The following JRKL variants were observed in gnomAD, a reference collection of about 807,000 sequenced individuals.
JRKL encodes the protein jerky protein homolog-like.
Under a neutral mutation model 34.7 loss-of-function variants are expected in JRKL, and 25 were observed. The ratio of observed to expected loss-of-function variants is 0.72; its 90% confidence interval spans 0.53 to 1.01. The LOEUF is 1.01. Among genes scored for constraint, JRKL ranks in the 50% least tolerant of loss-of-function variants. JRKL has a pLI of 0.00. For synonymous variants in JRKL, 204 were observed against 212.8 expected, an observed-to-expected ratio of 0.96 and a Z score of 0.36; for missense variants, 495 against 615.7, an observed-to-expected ratio of 0.80 and a Z score of 2.07.
chr11:96,391,242 C>G lies in JRKL; in HGVS notation c.593C>G (p.Thr198Ser). ...SRISVIKGKC[T>S]VPGHKSIEER... ...ATTTCAGTAATCAAAGGTAAATGCA[C>G]TGTCCCTGGGCACAAATCAATTGAA... The change falls in exon 2 of 2, where the codon ACT becomes AGT. Residue 198 changes from threonine (T) to serine (S), a missense_variant. Physicochemically the swap from Thr to Ser is moderately conservative, Grantham distance 58. Transcript: ENST00000332349. The G allele has an allele frequency of 3.9e-6, 6 of 1,551,978 alleles. No homozygotes were observed. The highest frequency in any genetic ancestry group is 5.2e-6 in the Non-Finnish European group (6 of 1,147,084).
Position 96,391,900 on chromosome 11 carries a change from C to T in JRKL, c.1251C>T (p.Thr417=). 1.2e-6 allele frequency: 2 copies of T among 1,614,116 alleles called. No individual in the cohort carries two copies. Among genetic ancestry groups the T allele is most frequent in the Non-Finnish European group, 1.7e-6 (2 of 1,180,014 alleles). Residue 417 remains threonine, a synonymous_variant, in exon 2 of 2, where the codon ACC becomes ACT. Transcript: ENST00000332349. ...CTGTGGCTGCCATTTTACAACACAC[C>T]AAAGGATTGGAAAATGTGACTACTG... The part of the protein sequence containing the change: ...VATVAAILQH[T]KGLENVTTEN...
rs778980747 is a variant in JRKL at position 96,392,080 on chromosome 11, T to C, written c.1431T>C (p.Asn477=). 8.7e-6 allele frequency: 14 copies of C among 1,613,952 alleles called. No homozygotes were observed. The South Asian group carries it at 1.5e-4, about 18-fold the overall frequency. The change falls in exon 2 of 2, where the codon AAT becomes AAC. Residue 477 remains asparagine, a synonymous_variant. Coordinates refer to ENST00000332349, the MANE Select transcript of JRKL (RefSeq NM_001261833.2). ...EIELIPEKHI[N]HAAALQWTEN... ...AACTAATTCCAGAGAAACATATTAA[T>C]CATGCAGCTGCCCTCCAGTGGACTG...
Position 96,390,393 on chromosome 11 carries a change from C to T in JRKL, c.-167-90C>T, listed in dbSNP as rs114402699. 222 of 374,416 alleles carry T rather than the reference C, an allele frequency of 5.9e-4. 1 individual carries two copies. The highest frequency in any genetic ancestry group is 4.2e-3 in the African/African-American group (203 of 48,252). 23.2% of individuals were successfully genotyped at this position (374,416 alleles called of 1,614,324 possible). A position where few individuals can be genotyped will look rare whatever the true frequency, so the allele number is the denominator to read the frequency against. Reference sequence around the variant, plus strand: ...ACACATGCTTTTAATCCGGATTATCCGCGGTGACATGGGGCCTCCGCTACT... The same window carrying T: ...ACACATGCTTTTAATCCGGATTATCTGCGGTGACATGGGGCCTCCGCTACT... On this transcript the variant is annotated intron_variant, in intron 1 of 1. Coordinates refer to ENST00000332349, the MANE Select transcript of JRKL (RefSeq NM_001261833.2).
At position 96,390,885 on chromosome 11, in the gene JRKL, T is replaced by C; in HGVS notation, c.236T>C (p.Leu79Ser). 1 of 1,614,112 alleles carries C rather than the reference T, an allele frequency of 6.2e-7. No homozygotes were observed. The highest frequency in any genetic ancestry group is 8.5e-7 in the Non-Finnish European group (1 of 1,180,016). Residue 79 changes from leucine (L) to serine (S), a missense_variant, in exon 2 of 2, where the codon TTG becomes TCG. Physicochemically the swap from Leu to Ser is moderately radical, Grantham distance 145. Coordinates refer to ENST00000332349, the MANE Select transcript of JRKL (RefSeq NM_001261833.2). The part of the protein sequence containing the change: ...KSMKPSMYEE[L>S]DRAMLEWFNQ... ...ATGAAGCCATCCATGTATGAGGAAT[T>C]GGACAGGGCAATGCTGGAATGGTTC...
chr11:96,390,810 C>T lies in JRKL; in HGVS notation c.161C>T (p.Thr54Ile), dbSNP rs962001546. Reference sequence around the variant, plus strand: ...AGAAAAAATAAGGAAAAGATTATAACTTATGCAAGCAGTTCTGATTCCACA... The same window carrying T: ...AGAAAAAATAAGGAAAAGATTATAATTTATGCAAGCAGTTCTGATTCCACA... ...DIRKNKEKII[T>I]YASSSDSTSL... The change falls in exon 2 of 2, where the codon ACT becomes ATT. Residue 54 changes from threonine (T) to isoleucine (I), a missense_variant. Physicochemically the swap from Thr to Ile is moderately conservative, Grantham distance 89. Transcript: ENST00000332349. 3.7e-6 allele frequency: 6 copies of T among 1,613,124 alleles called. No homozygotes were observed. Among genetic ancestry groups the T allele is most frequent in the Admixed American group, 1.7e-5 (1 of 59,772 alleles).
chr11:96,391,955 A>G lies in JRKL; in HGVS notation c.1306A>G (p.Ser436Gly), dbSNP rs1180504114. ...ENLEKWLEVD[S>G]TEPGYEVLTD... ...CCTTGAAAAATGGCTTGAAGTAGACAGTACTGAACCAGGCTATGAAGTGTT... is the reference window on the plus strand; with the variant it reads ...CCTTGAAAAATGGCTTGAAGTAGACGGTACTGAACCAGGCTATGAAGTGTT... The change falls in exon 2 of 2, where the codon AGT becomes GGT. Residue 436 changes from serine (S) to glycine (G), a missense_variant. Coordinates refer to ENST00000332349, the MANE Select transcript of JRKL (RefSeq NM_001261833.2). The G allele has an allele frequency of 2.5e-6, 4 of 1,614,164 alleles. No individual in the cohort carries two copies. The East Asian group carries it at 8.9e-5, about 36-fold the overall frequency.
Position 96,390,910 on chromosome 11 carries a change from C to T in JRKL, c.261C>T (p.Phe87=). The change falls in exon 2 of 2, where the codon TTC becomes TTT. Residue 87 remains phenylalanine, a synonymous_variant. Coordinates refer to ENST00000332349, the MANE Select transcript of JRKL (RefSeq NM_001261833.2). The stretch of plus-strand genomic sequence containing the variant: ...TGGACAGGGCAATGCTGGAATGGTT[C>T]AACCAGCAAAGAGCAAAAGGGAATC... The part of the protein sequence containing the change: ...EELDRAMLEW[F]NQQRAKGNPI... 1 of 1,614,174 alleles carries T rather than the reference C, an allele frequency of 6.2e-7. No homozygotes were observed. The highest frequency in any genetic ancestry group is 8.5e-7 in the Non-Finnish European group (1 of 1,180,022).
Position 96,392,598 on chromosome 11 carries a change from A to ATCTTT in JRKL, c.*379_*383dup, listed in dbSNP as rs1866562678. On this transcript the variant is annotated 3_prime_UTR_variant, in exon 2 of 2. Coordinates refer to ENST00000332349, the MANE Select transcript of JRKL (RefSeq NM_001261833.2). ...TTGATTTATGAAGGCTGCCATAGTT[A>ATCTTT]TCTTTTCTTGTGTTAACCATCTTAA... is the stretch of plus-strand genomic sequence containing the variant. 1.1e-5 allele frequency: 2 copies of ATCTTT among 175,432 alleles called. No individual in the cohort carries two copies. The highest frequency in any genetic ancestry group is 1.2e-4 in the Admixed American group (2 of 16,506). The allele number at this position is 175,432 out of a possible 1,614,324, so 10.9% of individuals were successfully genotyped here. A position where few individuals can be genotyped will look rare whatever the true frequency, so the allele number is the denominator to read the frequency against.
rs750771684 is a variant in JRKL, at chr11:96,391,262, A to G, written c.613A>G (p.Ile205Val). Residue 205 changes from isoleucine (I) to valine (V), a missense_variant, in exon 2 of 2, where the codon ATT becomes GTT. Transcript: ENST00000332349. The stretch of plus-strand genomic sequence containing the variant: ...ATGCACTGTCCCTGGGCACAAATCA[A>G]TTGAAGAAAGAGTCACAATCATGTG... ...GKCTVPGHKS[I>V]EERVTIMCCA... 2.6e-5 allele frequency: 41 copies of G among 1,551,598 alleles called. No homozygotes were observed. Among genetic ancestry groups the G allele is most frequent in the Non-Finnish European group, 2.9e-5 (33 of 1,147,012 alleles).
rs563633066 is a variant in JRKL at position 96,393,422 on chromosome 11, G to A, written c.*1198G>A. 1.3e-4 allele frequency among the ~76,000 whole-genome samples: 19 copies of A among 151,970 alleles called. No individual in the cohort carries two copies. The South Asian group carries it at 3.9e-3, about 32-fold the overall frequency. On this transcript the variant is annotated 3_prime_UTR_variant, in exon 2 of 2. Coordinates refer to ENST00000332349, the MANE Select transcript of JRKL (RefSeq NM_001261833.2). ...TTGATAAATTTTTTTTGTAAACTAA[G>A]TATGTTTATTCAAGACATTGAAACT...
rs1866567227 is a variant in JRKL, at chr11:96,392,927, TTTAGGTTATTTATACAAAGGGAATA to T, written c.*704_*728del. ...ACTGGGAAATAAAAACCTGGGGAACTTTAGGTTATTTATACAAAGGGAATAAATAGGCTGATTTTAATTTGGTAAG... is the reference window on the plus strand; with the variant it reads ...ACTGGGAAATAAAAACCTGGGGAACTAATAGGCTGATTTTAATTTGGTAAG... On this transcript the variant is annotated 3_prime_UTR_variant, in exon 2 of 2. Coordinates refer to ENST00000332349, the MANE Select transcript of JRKL (RefSeq NM_001261833.2). 1 of 166,832 alleles carries T rather than the reference TTTAGGTTATTTATACAAAGGGAATA, an allele frequency of 6.0e-6. No individual in the cohort carries two copies. Among genetic ancestry groups the T allele is most frequent in the Admixed American group, 6.5e-5 (1 of 15,280 alleles). The allele number at this position is 166,832 out of a possible 1,614,324, so 10.3% of individuals were successfully genotyped here. A position where few individuals can be genotyped will look rare whatever the true frequency, so the allele number is the denominator to read the frequency against.
Position 96,392,846 on chromosome 11 carries a change from A to C in JRKL, c.*622A>C, listed in dbSNP as rs1866565635. On this transcript the variant is annotated 3_prime_UTR_variant, in exon 2 of 2. Coordinates refer to ENST00000332349, the MANE Select transcript of JRKL (RefSeq NM_001261833.2). Reference sequence around the variant, plus strand: ...GGGAAGTTATTGCCAAATGAGAGAGAAACTATGGGAAAGCTGATCTATAAA... The same window carrying C: ...GGGAAGTTATTGCCAAATGAGAGAGCAACTATGGGAAAGCTGATCTATAAA... 1 of 167,006 alleles carries C rather than the reference A, an allele frequency of 6.0e-6. No individual in the cohort carries two copies. The highest frequency in any genetic ancestry group is 1.5e-5 in the Non-Finnish European group (1 of 68,064). The allele number at this position is 167,006 out of a possible 1,614,324, so 10.3% of individuals were successfully genotyped here.
In JRKL at chr11:96,393,479, T is replaced by C. The variant is rs1280979513; in HGVS notation, c.*1255T>C. Among the ~76,000 whole-genome samples the C allele has an allele frequency of 1.3e-5, 2 of 152,280 alleles. No individual in the cohort carries two copies. The highest frequency in any genetic ancestry group is 2.4e-5 in the African/African-American group (1 of 41,592). On this transcript the variant is annotated 3_prime_UTR_variant, in exon 2 of 2. Coordinates refer to ENST00000332349, the MANE Select transcript of JRKL (RefSeq NM_001261833.2). ...CACATATGAATATTAATGTAACTTG[T>C]AATTTAAAAGTAAAGTGTTTCCATG... is the stretch of plus-strand genomic sequence containing the variant.
chr11:96,390,486 ATT>A lies in JRKL; in HGVS notation c.-162_-161del. ...CCTCTTTCACCTTCTTCTGCAGTCT[ATT>A]TGCCAGCCAACCCCAGCCCGGGAGG... On this transcript the variant is annotated 5_prime_UTR_variant, in exon 2 of 2. In the 5' UTR this introduces an upstream ATG that the reference lacks. Coordinates refer to ENST00000332349, the MANE Select transcript of JRKL (RefSeq NM_001261833.2). 1.3e-6 allele frequency: 1 copy of A among 746,010 alleles called. No homozygotes were observed. The highest frequency in any genetic ancestry group is 2.0e-6 in the Non-Finnish European group (1 of 488,542). 46.2% of individuals were successfully genotyped at this position (746,010 alleles called of 1,614,324 possible).
chr11:96,390,054 G>A lies in JRKL; in HGVS notation c.-187G>A, dbSNP rs558590481. On this transcript the variant is annotated 5_prime_UTR_variant, in exon 1 of 2. Transcript: ENST00000332349. Reference sequence around the variant, plus strand: ...CCGCGCGATAGTCAGGGAGCTGTGCGGGTCCTGGTTGCAAGAGAGGTGGGG... The same window carrying A: ...CCGCGCGATAGTCAGGGAGCTGTGCAGGTCCTGGTTGCAAGAGAGGTGGGG... The A allele has an allele frequency of 6.5e-6, 1 of 152,692 alleles. No individual in the cohort carries two copies. Among genetic ancestry groups the A allele is most frequent in the South Asian group, 2.1e-4 (1 of 4,844 alleles). The allele number at this position is 152,692 out of a possible 1,614,324, so 9.5% of individuals were successfully genotyped here. A position where few individuals can be genotyped will look rare whatever the true frequency, so the allele number is the denominator to read the frequency against.
In JRKL at chr11:96,392,445, A is replaced by G. The variant is rs1441756010; in HGVS notation, c.*221A>G. 1.6e-5 allele frequency: 8 copies of G among 498,590 alleles called. No individual in the cohort carries two copies. The Admixed American group carries it at 2.0e-4, about 13-fold the overall frequency. The allele number at this position is 498,590 out of a possible 1,614,324, so 30.9% of individuals were successfully genotyped here. A position where few individuals can be genotyped will look rare whatever the true frequency, so the allele number is the denominator to read the frequency against. On this transcript the variant is annotated 3_prime_UTR_variant, in exon 2 of 2. Coordinates refer to ENST00000332349, the MANE Select transcript of JRKL (RefSeq NM_001261833.2). ...AGATGATACTGAATAGATATAAATT[A>G]CATGTACACATGTATTCACTTTTTA... is the stretch of plus-strand genomic sequence containing the variant.
rs543467860 is a variant in JRKL, at chr11:96,391,287, G to C, written c.638G>C (p.Cys213Ser). ...ATTGAAGAAAGAGTCACAATCATGT[G>C]TTGTGCCAATGCAACAGGTTTACAC... is the stretch of plus-strand genomic sequence containing the variant. ...KSIEERVTIM[C>S]CANATGLHKL... Residue 213 changes from cysteine to serine, a missense_variant, in exon 2 of 2, where the codon TGT becomes TCT. Cys to Ser is a moderately radical substitution (Grantham distance 112). Transcript: ENST00000332349. 34 of 1,551,572 alleles carry C rather than the reference G, an allele frequency of 2.2e-5. No homozygotes were observed. The highest frequency in any genetic ancestry group is 3.0e-5 in the Non-Finnish European group (34 of 1,146,996).
Position 96,390,979 on chromosome 11 carries a change from T to C in JRKL, c.330T>C (p.Phe110=). The C allele has an allele frequency of 6.2e-7, 1 of 1,614,198 alleles. No homozygotes were observed. Among genetic ancestry groups the C allele is most frequent in the African/African-American group, 1.3e-5 (1 of 75,040 alleles). ...GTGCAAAAAGGGCAGAGTTCTTCTTTTATGCTTTGGGAATGGATGGTGATT... is the reference window on the plus strand; with the variant it reads ...GTGCAAAAAGGGCAGAGTTCTTCTTCTATGCTTTGGGAATGGATGGTGATT... The part of the protein sequence containing the change: ...PICAKRAEFF[F]YALGMDGDFN... The change falls in exon 2 of 2, where the codon TTT becomes TTC. Residue 110 remains phenylalanine, a synonymous_variant. Transcript: ENST00000332349.
rs147373151 is a variant in JRKL at position 96,391,102 on chromosome 11, G to T, written c.453G>T (p.Ala151=). The T allele has an allele frequency of 4.9e-4, 783 of 1,613,968 alleles. 7 individuals carry two copies. The African/African-American group carries it at 9.3e-3, about 19-fold the overall frequency. The change falls in exon 2 of 2, where the codon GCG becomes GCT. Residue 151 remains alanine, a synonymous_variant. Transcript: ENST00000332349. ...RNERLNGDET[A]VEDFCNNFRD... ...AAAGATTAAATGGAGATGAGACTGC[G>T]GTGGAAGATTTTTGTAATAACTTTC...
Sources: gnomAD v4.1 joint callset for allele counts (sites outside exome capture counted in the v4.1 genomes callset) on GRCh38, gnomAD v4.1.1 for gene constraint, MANE v1.5 for transcripts, NCBI Gene and HGNC (gene_info 2026-07-23, HGNC 2026-07-21) for gene names.